ACOXL: variants seen among roughly 807,000 people sequenced by gnomAD.
ACOXL encodes acyl-CoA oxidase like, also known as acyl-coenzyme A oxidase-like protein.
ACOXL carries 70 observed loss-of-function variants against 71.9 expected under a neutral mutation model. That is an observed-to-expected ratio of 0.97 (90% CI 0.80 to 1.19). ACOXL has a LOEUF of 1.19. ACOXL is among the 50% of genes most tolerant of loss of function. The probability of loss-of-function intolerance (pLI) is 0.00; values close to 1 mark genes in which losing one functional copy is unlikely to be tolerated. For synonymous variants in ACOXL, 253 were observed against 281.6 expected, an observed-to-expected ratio of 0.90 and a Z score of 1.02; for missense variants, 703 against 736.3, an observed-to-expected ratio of 0.95 and a Z score of 0.52.
At position 110,770,563 on chromosome 2, in the gene ACOXL, C is replaced by T. The variant is rs1052388853; in HGVS notation, c.75+2099C>T. ...CATGTGACAAAGTGGAGCGTGCTTG[C>T]GAAGCGTAAAAAATCATTTCATACC... On this transcript the variant is annotated intron_variant, in intron 2 of 17. Coordinates refer to ENST00000439055, the MANE Select transcript of ACOXL (RefSeq NM_001142807.4). Among the ~76,000 whole-genome samples, 9 of 152,114 alleles carry T rather than the reference C, an allele frequency of 5.9e-5. No individual in the cohort carries two copies. The South Asian group carries it at 1.7e-3, about 28-fold the overall frequency.
intron 15 of ACOXL, among the ~76,000 whole-genome samples, chr2:111,032,809 G>A (rs187167218): frequency 5.9e-5 from 9 of 152,298 alleles, no homozygotes; most frequent in African/African-American, 1.9e-4. Context: ...CCCTGACTGG[G>A]CAGTTCCAAA....
At position 110,777,290 on chromosome 2, in the gene ACOXL, C is replaced by T. The variant is rs556391037; in HGVS notation, c.76-7442C>T. On this transcript the variant is annotated intron_variant, in intron 2 of 17. Coordinates refer to ENST00000439055, the MANE Select transcript of ACOXL (RefSeq NM_001142807.4). ...CAAGGGTGGAGCCTGGTGGGAAGGACCAGAAAGGAGACTGGAGAGAAGTGG... is the reference window on the plus strand; with the variant it reads ...CAAGGGTGGAGCCTGGTGGGAAGGATCAGAAAGGAGACTGGAGAGAAGTGG... 5.9e-5 allele frequency among the ~76,000 whole-genome samples: 9 copies of T among 152,078 alleles called. No homozygotes were observed. In the South Asian group the frequency reaches 1.7e-3, roughly 28 times the overall value.
At chr2:110,817,403 G>A (rs977187190) in intron 9 of ACOXL, among the ~76,000 whole-genome samples, 5 of 151,772 alleles carry the variant, frequency 3.3e-5, no homozygotes, top group African/African-American at 7.2e-5. Flanking sequence ...TGAGGATTAC[G>A]GAATGACTTG....
chr2:110,880,813 A>AATG (rs1355296659), intron 10 of ACOXL, among the ~76,000 whole-genome samples: 4 of 152,178 alleles, frequency 2.6e-5, no homozygotes, highest in Non-Finnish European at 5.9e-5. Flanking sequence ...ACCCTGTCTC[A>AATG]ATGATAACAA....
intron 17 of ACOXL, chr2:111,093,473 C>A: frequency 6.2e-7 from 1 of 1,614,034 alleles, no homozygotes; most frequent in South Asian, 1.1e-5. Flanking sequence ...TTTCTGATTA[C>A]ATCCTTTCTG....
intron 3 of ACOXL, among the ~76,000 whole-genome samples, chr2:110,792,627 TAAAA>T (rs1181984310): frequency 6.6e-6 from 1 of 151,842 alleles, no homozygotes; most frequent in East Asian, 1.9e-4. Context: ...TCATCTCTAC[TAAAA>T]ATAAAAAAAA....
Position 111,118,179 on chromosome 2 carries a change from T to A in ACOXL, c.*363T>A. ...AAGGTCTCCTGCTGTTAGCGGTGAC[T>A]CACATTCCCAGTGATTTAGAAAAAC... On this transcript the variant is annotated 3_prime_UTR_variant, in exon 18 of 18. Transcript: ENST00000439055. 1 of 344,056 alleles carries A rather than the reference T, an allele frequency of 2.9e-6. No homozygotes were observed. The highest frequency in any genetic ancestry group is 4.8e-5 in the South Asian group (1 of 20,812). 21.3% of individuals were successfully genotyped at this position (344,056 alleles called of 1,614,324 possible).
intron 15 of ACOXL, among the ~76,000 whole-genome samples, chr2:111,037,138 G>A (rs549482154): frequency 2.6e-5 from 4 of 152,198 alleles, no homozygotes; most frequent in South Asian, 2.1e-4. Flanking sequence ...TGTGCCCGTC[G>A]GTCTTCATGC....
At chr2:110,784,577 T>A (rs560011004) in intron 2 of ACOXL, among the ~76,000 whole-genome samples, 155 bp from the exon 3 acceptor site, 1 of 152,386 alleles carries the variant, frequency 6.6e-6, no homozygotes, top group Admixed American at 6.5e-5. Flanking sequence ...ACATTTACTT[T>A]AGTAGAATGA....
intron 14 of ACOXL, among the ~76,000 whole-genome samples, chr2:111,005,567 A>T (rs771650499): frequency 1.4e-4 from 21 of 152,190 alleles, no homozygotes; most frequent in Non-Finnish European, 2.9e-4. Context: ...AAACATAATA[A>T]ACCGCAGTAC....
At chr2:110,974,168 T>C (rs2149496902) in intron 12 of ACOXL, among the ~76,000 whole-genome samples, 1 of 152,332 alleles carries the variant, frequency 6.6e-6, no homozygotes, top group Admixed American at 6.5e-5. Flanking sequence ...GGCTGGATCC[T>C]GCTTTGATTC....
At chr2:110,971,983 T>C (rs544647537) in intron 12 of ACOXL, among the ~76,000 whole-genome samples, 76 of 152,316 alleles carry the variant, frequency 5.0e-4, no homozygotes, top group African/African-American at 1.8e-3. Context: ...AGTGCTTTAA[T>C]TGGAAGCTCT....
intron 13 of ACOXL, among the ~76,000 whole-genome samples, chr2:110,995,516 A>AAAAAAAAG (rs2063353819): frequency 6.6e-6 from 1 of 150,636 alleles, no homozygotes; most frequent in African/African-American, 2.4e-5. Context: ...AAAAAAAAAA[A>AAAAAAAAG]AAGAATTGTA....
At chr2:110,973,172 A>G (rs774130646) in intron 12 of ACOXL, among the ~76,000 whole-genome samples, 2 of 152,242 alleles carry the variant, frequency 1.3e-5, no homozygotes, top group Non-Finnish European at 2.9e-5. Context: ...ACTAGAATAA[A>G]TAAAAAGCAG....
At chr2:111,011,231 C>G (rs527532585) in intron 14 of ACOXL, among the ~76,000 whole-genome samples, 2 of 152,072 alleles carry the variant, frequency 1.3e-5, no homozygotes, top group South Asian at 4.1e-4. Context: ...CATATTAATT[C>G]AAAGCAGACT....
chr2:110,968,406 T>G (rs1485588093), intron 12 of ACOXL: 1 of 1,149,258 alleles, frequency 8.7e-7, no homozygotes, highest in East Asian at 2.3e-5. Context: ...AGGAATTTAA[T>G]GCAGAAGTAC....
At chr2:110,755,267 C>T (rs781553786) in intron 1 of ACOXL, among the ~76,000 whole-genome samples, 4 of 152,112 alleles carry the variant, frequency 2.6e-5, no homozygotes, top group Admixed American at 6.6e-5. Context: ...AACCCAGGGC[C>T]GCTGCCTGCA....
chr2:110,970,272 A>G (rs866057262), intron 12 of ACOXL, among the ~76,000 whole-genome samples: 12 of 152,264 alleles, frequency 7.9e-5, no homozygotes, highest in Admixed American at 5.9e-4. Flanking sequence ...CTGGTAATGC[A>G]CAAAATGAAT....
chr2:110,807,032 T>C (rs1315573828), intron 9 of ACOXL, among the ~76,000 whole-genome samples: 1 of 152,192 alleles, frequency 6.6e-6, no homozygotes, highest in Non-Finnish European at 1.5e-5. Flanking sequence ...CTGTTCTCCG[T>C]TCTACTGGAT....
Sources: allele counts gnomAD v4.1 joint callset (sites outside exome capture counted in the v4.1 genomes callset), GRCh38; gene constraint gnomAD v4.1.1; transcripts MANE v1.5; gene names NCBI Gene and HGNC (gene_info 2026-07-23, HGNC 2026-07-21).